The following TPRX1 variants were observed in gnomAD, a reference collection of about 807,000 sequenced individuals.
TPRX1 encodes tetra-peptide repeat homeobox protein 1.
In TPRX1, 2 loss-of-function variants were observed where a neutral mutation model predicts 8.1. That is an observed-to-expected ratio of 0.25 (90% CI 0.10 to 0.78). The LOEUF (loss-of-function observed/expected upper bound fraction) is 0.78. Ranked by LOEUF, TPRX1 falls within the 30% of genes least tolerant of loss-of-function variation. The pLI is 0.70. For missense variants in TPRX1, 517 were observed against 586.9 expected (o/e 0.88, Z 1.23); for synonymous variants, 257 against 254.1 (o/e 1.01, Z -0.11).
At chr19:47,805,235 T>A (rs185441439) in intron 2 of TPRX1, among the ~76,000 whole-genome samples, 1 of 152,262 alleles carries the variant, frequency 6.6e-6, no homozygotes, top group Admixed American at 6.5e-5. Context: ...GGAGAGTAAA[T>A]GACCTCAGTG....
At chr19:47,813,632 C>T (rs2123719049) in intron 2 of TPRX1, among the ~76,000 whole-genome samples, 1 of 150,980 alleles carries the variant, frequency 6.6e-6, no homozygotes, top group South Asian at 2.1e-4. Context: ...TTTCTCTGTT[C>T]CTCAGTTTCC....
chr19:47,816,741 C>T (rs1003365906), intron 2 of TPRX1, among the ~76,000 whole-genome samples: 2 of 151,188 alleles, frequency 1.3e-5, no homozygotes, highest in Non-Finnish European at 2.9e-5. Flanking sequence ...ACCATGTTAG[C>T]CAGGATGGTC....
At chr19:47,801,916 T>C in exon 4 of TPRX1, 3 of 1,614,122 alleles carry the variant, frequency 1.9e-6, no homozygotes, top group South Asian at 1.1e-5. Flanking sequence ...AGACTGAGGA[T>C]CCCTCCAAGG....
rs1324037196 is a variant in TPRX1 at position 47,802,405 on chromosome 19, CGGGACTGAGATT to C, written c.885_896del (p.Ser297_Ile300del). The C allele has an allele frequency of 4.8e-5, 57 of 1,178,274 alleles. No individual in the cohort carries two copies. The East Asian group carries it at 1.9e-3, about 40-fold the overall frequency. 73.0% of individuals were successfully genotyped at this position (1,178,274 alleles called of 1,614,324 possible). A position where few individuals can be genotyped will look rare whatever the true frequency, so the allele number is the denominator to read the frequency against. On this transcript the variant is annotated inframe_deletion, in exon 4 of 4. Transcript: ENST00000535759. ...TTGGGCCTGGGATCGGGCCTGGGAT[CGGGACTGAGATT>C]GGGCCTGGGATCGGGCCTGAGATTG... is the stretch of plus-strand genomic sequence containing the variant.
At chr19:47,815,118 A>ATATATATG (rs1967820623) in intron 2 of TPRX1, among the ~76,000 whole-genome samples, 1 of 74,422 alleles carries the variant, frequency 1.3e-5, no homozygotes, top group South Asian at 4.5e-4. Flanking sequence ...GATAAATTAT[A>ATATATATG]TATATATATA....
Position 47,801,987 on chromosome 19 carries a change from C to T in TPRX1, c.1315G>A (p.Asp439Asn), listed in dbSNP as rs188760456. The T allele has an allele frequency of 8.7e-5, 140 of 1,613,832 alleles. 1 individual carries two copies. Among genetic ancestry groups the T allele is most frequent in the South Asian group, 2.2e-4 (20 of 91,044 alleles). The change falls in exon 4 of 4, where the codon GAC becomes AAC. Residue 439 changes from aspartate to asparagine, a missense_variant. Transcript: ENST00000535759. The stretch of plus-strand genomic sequence containing the variant: ...AATAACTGGGTGTCTGGCAAGAAGT[C>T]GGAGGCATCGGGGCTCTGAGGCCAT...
At chr19:47,808,694 G>A (rs1192924398) in intron 2 of TPRX1, among the ~76,000 whole-genome samples, 1 of 146,608 alleles carries the variant, frequency 6.8e-6, no homozygotes, top group Non-Finnish European at 1.5e-5. Context: ...GACCTCAAGT[G>A]ATCCGCGCAC....
At chr19:47,818,170 C>A (rs1967861517) in intron 2 of TPRX1, among the ~76,000 whole-genome samples, 1 of 152,136 alleles carries the variant, frequency 6.6e-6, no homozygotes, top group Non-Finnish European at 1.5e-5. Context: ...AGTGTCTCTA[C>A]CTGGTTCTGC....
chr19:47,814,100 A>G (rs1292592947), intron 2 of TPRX1, among the ~76,000 whole-genome samples: 1 of 150,298 alleles, frequency 6.7e-6, no homozygotes, highest in Non-Finnish European at 1.5e-5. Flanking sequence ...TCTGTCAGCC[A>G]GGCTGGAGTG....
intron 2 of TPRX1, among the ~76,000 whole-genome samples, chr19:47,808,714 C>T (rs1967757635): frequency 6.6e-6 from 1 of 151,328 alleles, no homozygotes; most frequent in South Asian, 2.1e-4. Context: ...CCTTGGCCTC[C>T]CAAAATGCTG....
At chr19:47,802,077 G>GGCCTGA (rs1205860279) in exon 4 of TPRX1, 11 of 1,596,902 alleles carry the variant, frequency 6.9e-6, no homozygotes, top group Admixed American at 1.7e-5. Context: ...CCTGAGCCTG[G>GGCCTGA]GCCTGAGCCT....
chr19:47,808,475 A>C (rs529344243), intron 2 of TPRX1, among the ~76,000 whole-genome samples: 5 of 150,268 alleles, frequency 3.3e-5, no homozygotes, highest in African/African-American at 1.2e-4. Flanking sequence ...ACCCAGACTA[A>C]AGTGCAGTGG....
intron 3 of TPRX1, 130 bp from the exon 3 acceptor site, chr19:47,803,110 A>C: frequency 3.0e-5 from 30 of 992,494 alleles, no homozygotes; most frequent in Non-Finnish European, 4.0e-5. Flanking sequence ...ACCCCACCAA[A>C]AGAGGGCCCC....
intron 2 of TPRX1, among the ~76,000 whole-genome samples, chr19:47,814,714 TG>T (rs1173895650): frequency 6.6e-6 from 1 of 152,152 alleles, no homozygotes; most frequent in Non-Finnish European, 1.5e-5. Context: ...TGCAGAGTCC[TG>T]GGGTCTACCT....
At position 47,802,669 on chromosome 19, in the gene TPRX1, AGGGAGTGGGCCT is replaced by A. The variant is rs780296048; in HGVS notation, c.621_632del (p.Pro209_Gly212del). 1.6e-5 allele frequency: 25 copies of A among 1,529,018 alleles called. No homozygotes were observed. In the Admixed American group the frequency reaches 5.1e-4, roughly 31 times the overall value. The allele number at this position is 1,529,018 out of a possible 1,614,324, so 94.7% of individuals were successfully genotyped here. A position where few individuals can be genotyped will look rare whatever the true frequency, so the allele number is the denominator to read the frequency against. On this transcript the variant is annotated inframe_deletion, in exon 4 of 4. Coordinates refer to ENST00000535759, the Ensembl canonical transcript of TPRX1. ...CTGGAATTGGGCCTGGAATTGAGCC[AGGGAGTGGGCCT>A]GGGATCTGGGCTGGGCCTGGGATTG...
chr19:47,803,093 A>G, intron 3 of TPRX1, 113 bp from the exon 3 acceptor site: 1 of 1,227,470 alleles, frequency 8.1e-7, no homozygotes, highest in Non-Finnish European at 1.1e-6. Context: ...ACAGCCCCCC[A>G]TCCCCCACCC....
intron 2 of TPRX1, among the ~76,000 whole-genome samples, chr19:47,815,603 G>T (rs1967832464): frequency 7.0e-6 from 1 of 143,388 alleles, no homozygotes; most frequent in Non-Finnish European, 1.5e-5. Context: ...GAGATCAGGA[G>T]GTTGAGACCA....
At chr19:47,809,798 G>A (rs568581692) in intron 2 of TPRX1, among the ~76,000 whole-genome samples, 1 of 152,116 alleles carries the variant, frequency 6.6e-6, no homozygotes, top group African/African-American at 2.4e-5. Context: ...GTCCTGATGT[G>A]TCTTCAGGGT....
chr19:47,815,121 T>TATATATATATATGCAA lies in TPRX1; in HGVS notation c.151+3346_151+3347insTTGCATATATATATAT, dbSNP rs1555800003. Among the ~76,000 whole-genome samples, 122 of 90,246 alleles carry TATATATATATATGCAA rather than the reference T, an allele frequency of 1.4e-3. 4 individuals are homozygous for TATATATATATATGCAA. Among genetic ancestry groups the TATATATATATATGCAA allele is most frequent in the South Asian group, 4.2e-3 (11 of 2,632 alleles). The allele number at this position is 90,246 out of a possible 152,430, so 59.2% of individuals were successfully genotyped here. ...GCTCAATAAATAGATAAATTATATA[T>TATATATATATATGCAA]ATATATATATATATATATATATGCA... On this transcript the variant is annotated intron_variant, in intron 2 of 3. Transcript: ENST00000535759.
Sources: gnomAD v4.1 joint callset for allele counts (sites outside exome capture counted in the v4.1 genomes callset) on GRCh38, gnomAD v4.1.1 for gene constraint, MANE v1.5 for transcripts, NCBI Gene and HGNC (gene_info 2026-07-23, HGNC 2026-07-21) for gene names.